The following DENND1A variants were observed in gnomAD, a reference collection of about 807,000 sequenced individuals.
DENND1A encodes DENN domain-containing protein 1A.
A neutral mutation model predicts 113.7 loss-of-function variants in DENND1A; 51 were observed. The ratio of observed to expected loss-of-function variants is 0.45; its 90% CI spans 0.36 to 0.57. The LOEUF is 0.57. DENND1A is among the 20% of genes least tolerant of loss of function. DENND1A has a pLI of 0.00. For synonymous variants in DENND1A, 565 were observed against 570.8 expected, an observed-to-expected ratio of 0.99 and a Z score of 0.14; for missense variants, 1,258 against 1,395.9, an observed-to-expected ratio of 0.90 and a Z score of 1.57.
chr9:123,567,049 C>CTA (rs1338568664), intron 12 of DENND1A, among the ~76,000 whole-genome samples: 1 of 151,982 alleles, frequency 6.6e-6, no homozygotes, highest in African/African-American at 2.4e-5. Context: ...GTGGTCATTC[C>CTA]ATAAAAAGAT....
chr9:123,575,590 G>C (rs188172694), intron 12 of DENND1A, among the ~76,000 whole-genome samples: 1 of 152,154 alleles, frequency 6.6e-6, no homozygotes, highest in East Asian at 1.9e-4. Flanking sequence ...AAAATTGATC[G>C]TTTGGTTAAG....
At chr9:123,447,243 A>T (rs1416824901) in intron 18 of DENND1A, among the ~76,000 whole-genome samples, 1 of 152,246 alleles carries the variant, frequency 6.6e-6, no homozygotes, top group Non-Finnish European at 1.5e-5. Flanking sequence ...GCCAAGCTAC[A>T]GAAGAACCTG....
chr9:123,497,294 G>T (rs920598254), intron 13 of DENND1A, among the ~76,000 whole-genome samples: 5 of 152,198 alleles, frequency 3.3e-5, no homozygotes, highest in Admixed American at 6.5e-5. Context: ...GACAGAGCAC[G>T]AACAATTGTA....
intron 5 of DENND1A, among the ~76,000 whole-genome samples, chr9:123,744,313 C>T (rs2069283288): frequency 6.6e-6 from 1 of 152,050 alleles, no homozygotes. Flanking sequence ...TGGATATTTT[C>T]CATGTCATCA....
At position 123,383,819 on chromosome 9, in the gene DENND1A, C is replaced by T. The variant is rs371253977; in HGVS notation, c.1855G>A (p.Val619Ile). Residue 619 changes from valine (V) to isoleucine (I), a missense_variant, in exon 23 of 24, where the codon GTC (valine) becomes ATC (isoleucine). Physicochemically the swap from Val to Ile is conservative, Grantham distance 29. This residue lies in a region of DENND1A where 1,159 missense variants were observed against 1,231.7 expected (regional missense o/e 0.94). Transcript: ENST00000394215. Reference sequence around the variant, plus strand: ...GCAGCCCGGTCAGGGGGAGCTGGGACAGGGCCTGTGGACTTCCGCACTTGC... The same window carrying T: ...GCAGCCCGGTCAGGGGGAGCTGGGATAGGGCCTGTGGACTTCCGCACTTGC... ...EQQVRKSTGPVPAPPDRAASI... is the reference protein window; with the variant it reads ...EQQVRKSTGPIPAPPDRAASI... 6.2e-7 allele frequency: 1 copy of T among 1,614,012 alleles called. No individual in the cohort carries two copies. Among genetic ancestry groups the T allele is most frequent in the Non-Finnish European group, 8.5e-7 (1 of 1,180,044 alleles).
chr9:123,680,114 C>T (rs930384789), intron 5 of DENND1A, among the ~76,000 whole-genome samples: 41 of 152,254 alleles, frequency 2.7e-4, no homozygotes, highest in Non-Finnish European at 3.4e-4. Flanking sequence ...TTTAGGCTTT[C>T]GGACTGATGT....
At chr9:123,646,399 C>T (rs375160758) in intron 9 of DENND1A, among the ~76,000 whole-genome samples, 1 of 152,022 alleles carries the variant, frequency 6.6e-6, no homozygotes, top group Admixed American at 6.6e-5. Flanking sequence ...AAAGGGGATA[C>T]GGGTCAAGAA....
At chr9:123,581,619 T>C (rs1437100527) in intron 12 of DENND1A, among the ~76,000 whole-genome samples, 2 of 150,500 alleles carry the variant, frequency 1.3e-5, no homozygotes, top group African/African-American at 2.5e-5. Flanking sequence ...AGCCAGACAC[T>C]GTTTCAAAAA....
chr9:123,829,722 A>G (rs1294481831), intron 2 of DENND1A, among the ~76,000 whole-genome samples: 2 of 152,186 alleles, frequency 1.3e-5, no homozygotes, highest in Non-Finnish European at 2.9e-5. Flanking sequence ...CAGGGAACAC[A>G]TAATTAAGAC....
intron 13 of DENND1A, among the ~76,000 whole-genome samples, chr9:123,554,880 A>G (rs2057332211): frequency 6.6e-6 from 1 of 152,214 alleles, no homozygotes. Flanking sequence ...CTCCATCTAA[A>G]TCCATCATGT....
intron 7 of DENND1A, 100 bp from the exon 8 acceptor site, chr9:123,667,179 G>A: frequency 8.3e-7 from 1 of 1,206,886 alleles, no homozygotes; most frequent in Non-Finnish European, 1.2e-6. Flanking sequence ...TCCTTACTCA[G>A]AAAAGGAAAC....
chr9:123,505,983 G>T (rs2052896059), intron 13 of DENND1A, among the ~76,000 whole-genome samples: 1 of 152,008 alleles, frequency 6.6e-6, no homozygotes, highest in Non-Finnish European at 1.5e-5. Context: ...GAGTGAGTGT[G>T]CCCCCTTCAT....
intron 5 of DENND1A, among the ~76,000 whole-genome samples, chr9:123,748,925 C>T (rs1299892070): frequency 6.6e-6 from 1 of 152,170 alleles, no homozygotes; most frequent in African/African-American, 2.4e-5. Context: ...ACATACCTTG[C>T]ATCGGATTTA....
chr9:123,921,920 T>C (rs1161447572), intron 1 of DENND1A, among the ~76,000 whole-genome samples: 1 of 151,846 alleles, frequency 6.6e-6, no homozygotes, highest in Non-Finnish European at 1.5e-5. Flanking sequence ...TCCTTTTTTT[T>C]TTTTTTCTTT....
intron 8 of DENND1A, among the ~76,000 whole-genome samples, chr9:123,654,585 A>G (rs2062835297): frequency 6.6e-6 from 1 of 152,220 alleles, no homozygotes; most frequent in Admixed American, 6.5e-5. Context: ...CATGTCCCCC[A>G]TCTCCAATCA....
chr9:123,399,248 G>C (rs2043303309), intron 21 of DENND1A, among the ~76,000 whole-genome samples: 1 of 152,206 alleles, frequency 6.6e-6, no homozygotes, highest in Non-Finnish European at 1.5e-5. Flanking sequence ...TCTGTCATCA[G>C]ACAGCCGATC....
At chr9:123,755,187 A>G (rs889979726) in intron 5 of DENND1A, among the ~76,000 whole-genome samples, 2 of 149,226 alleles carry the variant, frequency 1.3e-5, no homozygotes, top group Admixed American at 6.7e-5. Flanking sequence ...AAGTGGCATG[A>G]TCTCAGCTCA....
intron 1 of DENND1A, among the ~76,000 whole-genome samples, chr9:123,899,034 T>C (rs1261772333): frequency 1.3e-5 from 2 of 152,246 alleles, no homozygotes; most frequent in Non-Finnish European, 2.9e-5. Context: ...ACTTTGTCTC[T>C]TCTATTCCCC....
intron 5 of DENND1A, among the ~76,000 whole-genome samples, chr9:123,747,238 A>G (rs1277988959): frequency 6.6e-6 from 1 of 152,182 alleles, no homozygotes; most frequent in African/African-American, 2.4e-5. Context: ...AAATTTTTCA[A>G]GTCAAGCATT....
Sources: allele counts gnomAD v4.1 joint callset (sites outside exome capture counted in the v4.1 genomes callset), GRCh38; gene constraint gnomAD v4.1.1; regional missense constraint gnomAD v4.1.1; transcripts MANE v1.5; gene names NCBI Gene and HGNC (gene_info 2026-07-23, HGNC 2026-07-21).